The following DNAH17 variants were observed in gnomAD, a reference collection of about 807,000 sequenced individuals.
DNAH17 encodes the protein dynein axonemal heavy chain 17, also known as axonemal beta dynein heavy chain 17.
A neutral mutation model predicts 485.6 loss-of-function variants in DNAH17; 376 were observed. The ratio of observed to expected loss-of-function variants is 0.77; its 90% CI spans 0.71 to 0.84. The LOEUF (loss-of-function observed/expected upper bound fraction) is 0.84. Ranked by LOEUF, DNAH17 falls within the 40% of genes least tolerant of loss-of-function variation. The pLI is 0.00. For missense variants in DNAH17, 6,370 were observed against 5,839.3 expected (o/e 1.09, Z -2.96); for synonymous variants, 3,031 against 2,405.9 (o/e 1.26, Z -7.60).
chr17:78,521,364 C>T (rs1044867870), intron 25 of DNAH17, among the ~76,000 whole-genome samples: 13 of 152,118 alleles, frequency 8.5e-5, no homozygotes, highest in African/African-American at 2.9e-4. Flanking sequence ...CAAGATCGCA[C>T]CACAGCACTC....
chr17:78,432,038 C>A (rs1456629643), intron 75 of DNAH17, among the ~76,000 whole-genome samples: 1 of 151,606 alleles, frequency 6.6e-6, no homozygotes, highest in African/African-American at 2.4e-5. Flanking sequence ...ACAAAAAAAA[C>A]CTGGCATTGT....
At chr17:78,472,271 T>TGGGGTGCG (rs1568106254) in intron 54 of DNAH17, among the ~76,000 whole-genome samples, 1 of 131,790 alleles carries the variant, frequency 7.6e-6, no homozygotes, top group African/African-American at 3.2e-5. Context: ...GGTTAGGGAG[T>TGGGGTGCG]AGGGGTGCGA....
chr17:78,486,743 G>A (rs1433295173), intron 44 of DNAH17, among the ~76,000 whole-genome samples: 1 of 152,210 alleles, frequency 6.6e-6, no homozygotes, highest in Non-Finnish European at 1.5e-5. Flanking sequence ...GGGGTTGCTA[G>A]CTATGGGGGT....
chr17:78,546,407 G>T (rs1228935156), intron 16 of DNAH17, among the ~76,000 whole-genome samples: 1 of 152,074 alleles, frequency 6.6e-6, no homozygotes, highest in East Asian at 1.9e-4. Context: ...TATATATACT[G>T]TAACTAATGT....
At chr17:78,456,977 A>G (rs527439326) in intron 62 of DNAH17, among the ~76,000 whole-genome samples, 13 of 152,318 alleles carry the variant, frequency 8.5e-5, no homozygotes, top group African/African-American at 2.9e-4. Context: ...TGAGAACAGG[A>G]AAGGCACACT....
chr17:78,477,482 G>C (rs1330313300), intron 51 of DNAH17, among the ~76,000 whole-genome samples: 1 of 152,094 alleles, frequency 6.6e-6, no homozygotes, highest in East Asian at 1.9e-4. Flanking sequence ...GGGTTCAAGT[G>C]ATTCTCACAT....
intron 36 of DNAH17, chr17:78,499,774 G>A (rs912602813): frequency 6.5e-6 from 1 of 153,170 alleles, no homozygotes; most frequent in African/African-American, 2.4e-5. Context: ...TGCAGGCCTA[G>A]GGTCCAAAAC....
chr17:78,501,987 T>A, intron 33 of DNAH17, 114 bp from the exon 34 acceptor site: 1 of 1,483,330 alleles, frequency 6.7e-7, no homozygotes, highest in Non-Finnish European at 9.1e-7. Context: ...TTGTTTACAG[T>A]AATGAAAAAC....
chr17:78,481,335 C>T (rs1408051191), intron 48 of DNAH17, among the ~76,000 whole-genome samples: 2 of 151,992 alleles, frequency 1.3e-5, no homozygotes, highest in Non-Finnish European at 2.9e-5. Flanking sequence ...GATCTCCTGA[C>T]CTTGTGATCC....
At chr17:78,514,747 C>T (rs767697802) in intron 26 of DNAH17, 27 bp downstream of exon 26, 6 of 1,607,738 alleles carry the variant, frequency 3.7e-6, no homozygotes, top group Non-Finnish European at 2.6e-6. Context: ...AGGGGCGGTC[C>T]CCTCCGCCCA....
At chr17:78,551,965 GAAA>G (rs112451291) in intron 15 of DNAH17, among the ~76,000 whole-genome samples, 4 of 140,260 alleles carry the variant, frequency 2.9e-5, no homozygotes, top group Admixed American at 2.2e-4. Context: ...TCTATCTCAG[GAAA>G]AAAAAAAAAA....
intron 25 of DNAH17, among the ~76,000 whole-genome samples, chr17:78,516,445 G>A (rs937296899): frequency 3.9e-5 from 6 of 152,224 alleles, no homozygotes; most frequent in Non-Finnish European, 7.3e-5. Context: ...CCAGCACTTT[G>A]GGAGGCCGAG....
At position 78,510,753 on chromosome 17, in the gene DNAH17, C is replaced by CCCCT. The variant is rs1555679581; in HGVS notation, c.4114-248_4114-247insAGGG. The CCCCT allele has an allele frequency of 9.5e-6, 4 of 422,144 alleles. No individual in the cohort carries two copies. The East Asian group carries it at 1.1e-4, about 11-fold the overall frequency. The allele number at this position is 422,144 out of a possible 1,614,324, so 26.1% of individuals were successfully genotyped here. A position where few individuals can be genotyped will look rare whatever the true frequency, so the allele number is the denominator to read the frequency against. ...CACCTGCACTGGGCGGAATTGCGGC[C>CCCCT]CCCCCGCAAAATTCACATCCGCCCA... is the stretch of plus-strand genomic sequence containing the variant. On this transcript the variant is annotated intron_variant, in intron 26 of 80. Transcript: ENST00000389840.
At chr17:78,504,969 G>A (rs893565107) in intron 31 of DNAH17, among the ~76,000 whole-genome samples, 7 of 129,212 alleles carry the variant, frequency 5.4e-5, no homozygotes, top group Non-Finnish European at 7.7e-5. Flanking sequence ...GCAGTGGCGC[G>A]ATCTTGGCTC....
chr17:78,527,030 CTCATT>C (rs1445000407), intron 22 of DNAH17, 34 bp from the exon 23 acceptor site: 1 of 1,493,316 alleles, frequency 6.7e-7, no homozygotes, highest in African/African-American at 1.4e-5. Context: ...GGGCTCCTTT[CTCATT>C]TCTTTTCTTA....
At chr17:78,426,895 C>A in intron 78 of DNAH17, 31 bp downstream of exon 78, 1 of 1,574,876 alleles carries the variant, frequency 6.3e-7, no homozygotes, top group East Asian at 2.3e-5. Context: ...CATCCAGCCA[C>A]GTCCCTGGGG....
intron 16 of DNAH17, among the ~76,000 whole-genome samples, chr17:78,544,723 C>A (rs1446069820): frequency 7.0e-6 from 1 of 143,798 alleles, no homozygotes; most frequent in Non-Finnish European, 1.5e-5. Flanking sequence ...ATGGCGTGAA[C>A]CCGGGAGGCA....
intron 16 of DNAH17, among the ~76,000 whole-genome samples, chr17:78,544,507 G>T (rs569787744): frequency 9.9e-5 from 15 of 152,228 alleles, no homozygotes; most frequent in Admixed American, 2.6e-4. Flanking sequence ...CTACCACAAG[G>T]GTGGTGGCCA....
intron 74 of DNAH17, among the ~76,000 whole-genome samples, chr17:78,437,027 G>A (rs983887529): frequency 6.6e-6 from 1 of 152,158 alleles, no homozygotes; most frequent in African/African-American, 2.4e-5. Context: ...GTGCCAGGCA[G>A]GCCCTCACCC....
Sources: allele counts gnomAD v4.1 joint callset (sites outside exome capture counted in the v4.1 genomes callset), GRCh38; gene constraint gnomAD v4.1.1; transcripts MANE v1.5; gene names NCBI Gene and HGNC (gene_info 2026-07-23, HGNC 2026-07-21).